The following MYO18B variants were observed in gnomAD, a reference collection of about 807,000 sequenced individuals.
MYO18B encodes the protein unconventional myosin-XVIIIb.
In MYO18B, 204 loss-of-function variants were observed where a neutral mutation model predicts 273.0. The ratio of observed to expected loss-of-function variants is 0.75; its 90% CI spans 0.67 to 0.84. MYO18B has a LOEUF of 0.84. MYO18B is among the 40% of genes least tolerant of loss of function. The pLI is 0.00. For missense variants in MYO18B, 3,212 were observed against 3,287.6 expected (o/e 0.98, Z 0.56); for synonymous variants, 1,330 against 1,305.7 (o/e 1.02, Z -0.40).
chr22:25,933,710 T>A (rs1466555448), intron 34 of MYO18B, among the ~76,000 whole-genome samples: 1 of 152,236 alleles, frequency 6.6e-6, no homozygotes, highest in African/African-American at 2.4e-5. Flanking sequence ...ACTACCACAA[T>A]TTATCTTATC....
At chr22:25,750,734 G>A (rs1279015692) in intron 1 of MYO18B, among the ~76,000 whole-genome samples, 1 of 152,224 alleles carries the variant, frequency 6.6e-6, no homozygotes. Context: ...GAGGGCAGGT[G>A]ACAGCGGGTG....
chr22:25,810,085 C>T (rs2088669613), intron 12 of MYO18B, among the ~76,000 whole-genome samples: 1 of 149,334 alleles, frequency 6.7e-6, no homozygotes, highest in Non-Finnish European at 1.5e-5. Flanking sequence ...TTGGGGTATA[C>T]CCTTCCTTCA....
chr22:26,015,333 T>C (rs1376622660), intron 42 of MYO18B, among the ~76,000 whole-genome samples: 3 of 152,192 alleles, frequency 2.0e-5, no homozygotes, highest in Non-Finnish European at 2.9e-5. Flanking sequence ...TGTTTTACCG[T>C]AAAGACACAT....
At chr22:25,934,879 A>G (rs1434049615) in intron 34 of MYO18B, among the ~76,000 whole-genome samples, 2 of 152,092 alleles carry the variant, frequency 1.3e-5, no homozygotes, top group African/African-American at 4.8e-5. Flanking sequence ...CGGGGGCTCA[A>G]GATATTTTCC....
chr22:25,767,708 A>G (rs1204876817), intron 3 of MYO18B, among the ~76,000 whole-genome samples: 1 of 152,210 alleles, frequency 6.6e-6, no homozygotes, highest in Non-Finnish European at 1.5e-5. Flanking sequence ...GTTGTTGAGG[A>G]CACACTATGC....
intron 11 of MYO18B, among the ~76,000 whole-genome samples, chr22:25,788,990 G>T (rs772885759): frequency 6.6e-6 from 1 of 152,012 alleles, no homozygotes; most frequent in Admixed American, 6.6e-5. Context: ...GAAGTACTTC[G>T]GCAGTGCCTG....
intron 34 of MYO18B, among the ~76,000 whole-genome samples, chr22:25,927,847 C>T (rs892445218): frequency 6.6e-6 from 1 of 152,052 alleles, no homozygotes; most frequent in African/African-American, 2.4e-5. Context: ...TAGAAAAGAA[C>T]CTACGTGAAT....
chr22:25,899,918 C>G (rs971371291), intron 29 of MYO18B: 1 of 152,104 alleles, frequency 6.6e-6, no homozygotes, highest in African/African-American at 2.4e-5. Flanking sequence ...CCATCATTCC[C>G]CAAGTTTCTC....
chr22:25,885,187 A>T (rs766633170), intron 25 of MYO18B, among the ~76,000 whole-genome samples: 1 of 152,190 alleles, frequency 6.6e-6, no homozygotes, highest in Non-Finnish European at 1.5e-5. Context: ...ATTTACCTGC[A>T]TTATCTAATT....
At chr22:25,964,092 TGACCGAA>T (rs1188889221) in intron 39 of MYO18B, 1 of 152,224 alleles carries the variant, frequency 6.6e-6, no homozygotes, top group African/African-American at 2.4e-5. Context: ...GATATACCCT[TGACCGAA>T]GACTGGTCCT....
Position 26,027,383 on chromosome 22 carries a change from G to C in MYO18B, c.7409G>C (p.Arg2470Pro). The change falls in exon 43 of 44, where the codon CGT (arginine) becomes CCT (proline). Residue 2470 changes from arginine (R) to proline (P), a missense_variant. Physicochemically the swap from Arg to Pro is moderately radical, Grantham distance 103. Transcript: ENST00000335473. This position sits in a 1 kb window ranked among gnomAD's most constrained non-coding sequence, Gnocchi z 4.1. ...AAAGGTGGGCAAGACGGTTCACAGC[G>C]TTCAAGCATCCACTTTGAAACGGAA... Reference protein sequence around the residue: ...SAKGGQDGSQRSSIHFETEEA... With the variant: ...SAKGGQDGSQPSSIHFETEEA... The C allele has an allele frequency of 1.2e-6, 2 of 1,613,912 alleles. No individual in the cohort carries two copies.
intron 39 of MYO18B, among the ~76,000 whole-genome samples, chr22:25,963,470 G>A (rs1386589837): frequency 6.7e-6 from 1 of 149,544 alleles, no homozygotes; most frequent in Non-Finnish European, 1.5e-5. Context: ...TCTTTATGTG[G>A]CCTTCCCCTC....
intron 34 of MYO18B, among the ~76,000 whole-genome samples, chr22:25,922,999 G>A (rs1569194963): frequency 6.6e-6 from 1 of 152,170 alleles, no homozygotes. Flanking sequence ...GCATTTTGCT[G>A]TCATACCTGC....
chr22:25,925,520 C>G (rs1481842580), intron 34 of MYO18B, among the ~76,000 whole-genome samples: 1 of 152,172 alleles, frequency 6.6e-6, no homozygotes, highest in Non-Finnish European at 1.5e-5. Context: ...GTCCCGACCT[C>G]TCTGAGCCCT....
At chr22:25,819,489 G>A (rs1002096470) in intron 12 of MYO18B, among the ~76,000 whole-genome samples, 1 of 152,142 alleles carries the variant, frequency 6.6e-6, no homozygotes, top group East Asian at 1.9e-4. Flanking sequence ...CTCATTCAGT[G>A]CTAATAGCCT....
chr22:25,828,800 C>G lies in MYO18B; in HGVS notation c.2811C>G (p.Ser937=). Residue 937 remains serine, a synonymous_variant, in exon 15 of 44, where the codon TCC becomes TCG. Coordinates refer to ENST00000335473, the MANE Select transcript of MYO18B (RefSeq NM_032608.7). The part of the protein sequence containing the change: ...INRSFSSHHL[S]MASIMVVDSP... ...GATCCTTTTCCTCCCACCATCTCTC[C>G]ATGGCCTCCATCATGGTGGTGGACT... is the stretch of plus-strand genomic sequence containing the variant. The G allele has an allele frequency of 1.9e-6, 3 of 1,613,850 alleles. No individual in the cohort carries two copies. The highest frequency in any genetic ancestry group is 2.5e-6 in the Non-Finnish European group (3 of 1,179,868).
intron 39 of MYO18B, among the ~76,000 whole-genome samples, chr22:25,990,242 G>A (rs921599884): frequency 2.0e-5 from 3 of 152,070 alleles, no homozygotes; most frequent in Non-Finnish European, 4.4e-5. Context: ...AATGGTCCTC[G>A]CTGACTTCCA....
At chr22:25,913,012 G>A (rs1398024416) in intron 33 of MYO18B, among the ~76,000 whole-genome samples, 3 of 152,156 alleles carry the variant, frequency 2.0e-5, no homozygotes, top group African/African-American at 7.2e-5. Context: ...TTGGTGGGTA[G>A]TTAGTTACTT....
intron 24 of MYO18B, 87 bp downstream of exon 24, chr22:25,876,419 TC>T (rs747127089): frequency 2.9e-5 from 41 of 1,398,744 alleles, no homozygotes; most frequent in Non-Finnish European, 3.9e-5. Flanking sequence ...GTGCCCCTAT[TC>T]CTGAATGTTC....
Sources: gnomAD v4.1 joint callset for allele counts (sites outside exome capture counted in the v4.1 genomes callset) on GRCh38, gnomAD v4.1.1 for gene constraint, Gnocchi (gnomAD v3.1) non-coding constraint, MANE v1.5 for transcripts, NCBI Gene and HGNC (gene_info 2026-07-23, HGNC 2026-07-21) for gene names.